The following CAST variants were observed in gnomAD, a reference collection of about 807,000 sequenced individuals.
CAST encodes MIR583 host.
In CAST, 76 loss-of-function variants were observed where a neutral mutation model predicts 119.6. The ratio of observed to expected loss-of-function variants is 0.64; its 90% CI spans 0.53 to 0.77. CAST has a LOEUF of 0.77. Ranked by LOEUF, CAST falls within the 30% of genes least tolerant of loss-of-function variation. CAST has a pLI of 0.00. For synonymous variants in CAST, 319 were observed against 331.6 expected, an observed-to-expected ratio of 0.96 and a Z score of 0.41; for missense variants, 953 against 946.5, an observed-to-expected ratio of 1.01 and a Z score of -0.09.
the CAST span, among the ~76,000 whole-genome samples, chr5:96,365,521 A>G: frequency 6.6e-6 from 1 of 152,202 alleles, no homozygotes; most frequent in African/African-American, 2.4e-5. Flanking sequence ...TATTGGGTGC[A>G]TATATATTTA....
At chr5:96,107,204 G>A in the CAST span, among the ~76,000 whole-genome samples, 1 of 152,012 alleles carries the variant, frequency 6.6e-6, no homozygotes, top group Admixed American at 6.5e-5. Flanking sequence ...TTTTTAATTG[G>A]AGCATTTTGT....
the CAST span, among the ~76,000 whole-genome samples, chr5:96,372,771 T>G: frequency 6.6e-6 from 1 of 152,222 alleles, no homozygotes; most frequent in South Asian, 2.1e-4. Context: ...TTCCTTCATC[T>G]TCTGTGACCC....
chr5:96,405,945 TC>T, the CAST span, among the ~76,000 whole-genome samples: 3 of 152,216 alleles, frequency 2.0e-5, no homozygotes, highest in Non-Finnish European at 4.4e-5. Flanking sequence ...AAGATTGCTT[TC>T]TTTTAACAGC....
chr5:96,476,003 C>T, the CAST span, among the ~76,000 whole-genome samples: 2 of 152,222 alleles, frequency 1.3e-5, no homozygotes, highest in Admixed American at 1.3e-4. Context: ...TATACCAGGA[C>T]TCCATTGCTT....
intron 3 of CAST, among the ~76,000 whole-genome samples, chr5:96,716,312 C>G (rs1757180345): frequency 6.6e-6 from 1 of 152,204 alleles, no homozygotes; most frequent in African/African-American, 2.4e-5. Flanking sequence ...TGGTTGATGA[C>G]AGTCATAACG....
the CAST span, among the ~76,000 whole-genome samples, chr5:96,300,339 C>T: frequency 6.6e-6 from 1 of 152,044 alleles, no homozygotes; most frequent in Non-Finnish European, 1.5e-5. Context: ...TTTCCCAATA[C>T]CATTTAATAA....
chr5:96,020,995 A>G, the CAST span, among the ~76,000 whole-genome samples: 1 of 152,184 alleles, frequency 6.6e-6, no homozygotes, highest in Non-Finnish European at 1.5e-5. Context: ...AGATGATTCT[A>G]AGATTAGTCA....
At chr5:96,171,411 GAA>G in the CAST span, among the ~76,000 whole-genome samples, 1 of 152,146 alleles carries the variant, frequency 6.6e-6, no homozygotes, top group Admixed American at 6.5e-5. Context: ...CAAGCCCAGA[GAA>G]AAGAGAGGGT....
At chr5:96,056,260 T>G in the CAST span, among the ~76,000 whole-genome samples, 1 of 152,166 alleles carries the variant, frequency 6.6e-6, no homozygotes, top group African/African-American at 2.4e-5. Context: ...AAGTCATAAA[T>G]TTCAAAAACA....
the CAST span, among the ~76,000 whole-genome samples, chr5:96,197,055 T>G: frequency 3.3e-5 from 5 of 152,208 alleles, no homozygotes; most frequent in Admixed American, 3.3e-4. Context: ...ACTTGTATTT[T>G]TTGGCCTTTA....
the CAST span, among the ~76,000 whole-genome samples, chr5:96,462,564 A>G: frequency 1.3e-5 from 2 of 152,120 alleles, no homozygotes; most frequent in East Asian, 1.9e-4. Flanking sequence ...AATATTCATC[A>G]TCATTATTAT....
chr5:96,495,111 C>A, the CAST span, among the ~76,000 whole-genome samples: 1 of 116,470 alleles, frequency 8.6e-6, no homozygotes, highest in Admixed American at 9.5e-5. Context: ...GGCGTCAGAG[C>A]GAGACTGTCT....
At chr5:96,571,997 A>C (rs1280711123) in intron 1 of CAST, among the ~76,000 whole-genome samples, 2 of 152,240 alleles carry the variant, frequency 1.3e-5, no homozygotes, top group African/African-American at 2.4e-5. Flanking sequence ...GACACATATA[A>C]TATGCCAGCA....
At chr5:96,246,576 C>T in the CAST span, among the ~76,000 whole-genome samples, 4 of 152,196 alleles carry the variant, frequency 2.6e-5, no homozygotes, top group African/African-American at 9.7e-5. Flanking sequence ...CTTTCTCACT[C>T]CACTGGCACA....
the CAST span, among the ~76,000 whole-genome samples, chr5:96,151,535 G>A: frequency 6.6e-6 from 1 of 151,880 alleles, no homozygotes; most frequent in East Asian, 1.9e-4. Flanking sequence ...GCAGAGGGTG[G>A]TAGTGGAGGA....
the CAST span, among the ~76,000 whole-genome samples, chr5:96,207,482 C>T: frequency 2.2e-3 from 334 of 152,116 alleles, 1 homozygote; most frequent in Middle Eastern, 6.8e-3. Context: ...TTCTTCAATG[C>T]CTGGTTTGTT....
the CAST span, among the ~76,000 whole-genome samples, chr5:96,176,919 T>C: frequency 1.1e-4 from 17 of 152,212 alleles, no homozygotes; most frequent in Non-Finnish European, 2.1e-4. Context: ...ATCATCTAAA[T>C]TTCTCTGTCA....
the CAST span, among the ~76,000 whole-genome samples, chr5:96,333,559 C>T: frequency 6.6e-6 from 1 of 152,136 alleles, no homozygotes; most frequent in Non-Finnish European, 1.5e-5. Flanking sequence ...TGGGCAGCCT[C>T]CTGGAGTCAG....
the CAST span, among the ~76,000 whole-genome samples, chr5:96,122,623 G>C: frequency 3.9e-5 from 6 of 152,234 alleles, no homozygotes; most frequent in East Asian, 7.7e-4. Context: ...CCATGTGTTC[G>C]AGGGGGTAGA....
Sources: allele counts gnomAD v4.1 joint callset (sites outside exome capture counted in the v4.1 genomes callset), GRCh38; gene constraint gnomAD v4.1.1; transcripts MANE v1.5; gene names NCBI Gene and HGNC (gene_info 2026-07-23, HGNC 2026-07-21).